The following KIF1B variants were observed in gnomAD, a reference collection of about 807,000 sequenced individuals.
KIF1B encodes the protein kinesin-like protein KIF1B.
In KIF1B, 76 loss-of-function variants were observed where a neutral mutation model predicts 241.9. That is an observed-to-expected ratio of 0.31 (90% CI 0.26 to 0.38). The LOEUF (loss-of-function observed/expected upper bound fraction) is 0.38. KIF1B is among the 10% of genes least tolerant of loss of function. The pLI is 1.00. For synonymous variants in KIF1B, 750 were observed against 796.7 expected, an observed-to-expected ratio of 0.94 and a Z score of 0.99; for missense variants, 1,622 against 2,271.4, an observed-to-expected ratio of 0.71 and a Z score of 5.81.
At chr1:10,316,768 C>T (rs888113983) in intron 22 of KIF1B, among the ~76,000 whole-genome samples, 3 of 151,694 alleles carry the variant, frequency 2.0e-5, no homozygotes, top group African/African-American at 7.3e-5. Context: ...TCCCAAAGTG[C>T]TGGGATTATA....
chr1:10,214,073 G>A (rs886442748), intron 1 of KIF1B, among the ~76,000 whole-genome samples: 4 of 151,992 alleles, frequency 2.6e-5, no homozygotes, highest in Non-Finnish European at 5.9e-5. Context: ...ATTACAGTGA[G>A]CTAAGACAGC....
chr1:10,266,036 G>C (rs914063014), intron 5 of KIF1B, among the ~76,000 whole-genome samples: 5 of 152,168 alleles, frequency 3.3e-5, no homozygotes, highest in Non-Finnish European at 5.9e-5. Context: ...AGAAGGATCT[G>C]TTTCCTGGGT....
intron 36 of KIF1B, 41 bp downstream of exon 36, chr1:10,347,868 G>A: frequency 1.4e-6 from 2 of 1,473,782 alleles, no homozygotes; most frequent in Non-Finnish European, 1.9e-6. Flanking sequence ...AGGGAACACT[G>A]AAAAGAATTT....
At chr1:10,354,762 A>G (rs1303162680) in intron 38 of KIF1B, among the ~76,000 whole-genome samples, 3 of 152,246 alleles carry the variant, frequency 2.0e-5, no homozygotes, top group Admixed American at 2.0e-4. Flanking sequence ...ACATCTTTGT[A>G]GTTTAGAATG....
At position 10,374,102 on chromosome 1, in the gene KIF1B, T is replaced by G. The variant is rs1217528796; in HGVS notation, c.4947-214T>G. Among the ~76,000 whole-genome samples the G allele has an allele frequency of 6.6e-6, 1 of 152,166 alleles. No homozygotes were observed. The highest frequency in any genetic ancestry group is 1.9e-4 in the East Asian group (1 of 5,202). Reference sequence around the variant, plus strand: ...ACCCAGTGGCCATCAATGATCAATTTCCTTTCATAACTTCAGAAGGATGAC... The same window carrying G: ...ACCCAGTGGCCATCAATGATCAATTGCCTTTCATAACTTCAGAAGGATGAC... On this transcript the variant is annotated intron_variant, in intron 45 of 48. Transcript: ENST00000676179. The surrounding 1 kb of genome is among the most constrained non-coding windows in gnomAD (Gnocchi z 4.3).
intron 2 of KIF1B, among the ~76,000 whole-genome samples, chr1:10,252,739 A>C (rs946909494): frequency 6.6e-6 from 1 of 150,720 alleles, no homozygotes. Context: ...TTGTTTTGAG[A>C]TGGAGTTTTG....
In KIF1B at chr1:10,358,602, G is replaced by A. The variant is rs570772184; in HGVS notation, c.4056-2327G>A. ...GGAGGCTGAGGCAGGAGAATCACTT[G>A]AACCCGGCATGAGGAGGTTGCAGTG... is the stretch of plus-strand genomic sequence containing the variant. On this transcript the variant is annotated intron_variant, in intron 38 of 48. Transcript: ENST00000676179. 8.0e-5 allele frequency among the ~76,000 whole-genome samples: 12 copies of A among 149,696 alleles called. No individual in the cohort carries two copies. In the East Asian group the frequency reaches 2.4e-3, roughly 29 times the overall value.
chr1:10,269,873 G>A (rs954285894), intron 7 of KIF1B, among the ~76,000 whole-genome samples: 6 of 152,138 alleles, frequency 3.9e-5, no homozygotes, highest in African/African-American at 1.4e-4. Flanking sequence ...TTTAGCCAGA[G>A]GTTATAATAT....
chr1:10,347,958 A>C, intron 36 of KIF1B, 131 bp downstream of exon 36: 1 of 581,104 alleles, frequency 1.7e-6, no homozygotes, highest in Non-Finnish European at 2.9e-6. Flanking sequence ...TCCTGTTGTC[A>C]TTTTTTTTTT....
intron 2 of KIF1B, among the ~76,000 whole-genome samples, chr1:10,234,411 T>C (rs1421036889): frequency 1.3e-5 from 2 of 152,102 alleles, no homozygotes; most frequent in Non-Finnish European, 2.9e-5. Context: ...TTTCACCATA[T>C]TGGCCAGCCT....
chr1:10,294,409 G>C (rs1306070249), intron 17 of KIF1B, among the ~76,000 whole-genome samples: 1 of 152,112 alleles, frequency 6.6e-6, no homozygotes, highest in East Asian at 1.9e-4. Flanking sequence ...GAAGTGGTGG[G>C]GGGGTATGGG....
At position 10,210,638 on chromosome 1, in the gene KIF1B, C is replaced by T. The variant is rs1018885009; in HGVS notation, c.-320C>T. 2.7e-5 allele frequency among the ~76,000 whole-genome samples: 4 copies of T among 148,134 alleles called. No homozygotes were observed. Among genetic ancestry groups the T allele is most frequent in the African/African-American group, 9.8e-5 (4 of 40,904 alleles). On this transcript the variant is annotated 5_prime_UTR_variant, in exon 1 of 49. Coordinates refer to ENST00000676179, the MANE Select transcript of KIF1B (RefSeq NM_001365951.3). The surrounding 1 kb of genome is among the most constrained non-coding windows in gnomAD (Gnocchi z 4.1). ...GCAGCTCCCCGTCCTCCGCAGCCGT[C>T]ACCGCCGGCCGTCGCCGCGCCCTGG...
intron 23 of KIF1B, among the ~76,000 whole-genome samples, chr1:10,321,228 T>G (rs992173375): frequency 6.6e-6 from 1 of 151,868 alleles, no homozygotes; most frequent in Non-Finnish European, 1.5e-5. Context: ...CTCAGCCTCC[T>G]GAGTAGCTGG....
At chr1:10,285,606 A>G (rs1033363772) in intron 15 of KIF1B, among the ~76,000 whole-genome samples, 1 of 152,238 alleles carries the variant, frequency 6.6e-6, no homozygotes, top group African/African-American at 2.4e-5. Context: ...CTAGAAAGAA[A>G]ACAGCTTCCT....
chr1:10,375,062 C>T lies in KIF1B; in HGVS notation c.5289+16C>T. On this transcript the variant is annotated intron_variant, in intron 47 of 48. Coordinates refer to ENST00000676179, the MANE Select transcript of KIF1B (RefSeq NM_001365951.3). ...CATGGTGAAGGTCCGTCCTGCCCTG[C>T]CTTGGTTTCTTATTGCCACGTGTGC... 1 of 1,613,590 alleles carries T rather than the reference C, an allele frequency of 6.2e-7. No homozygotes were observed. Among genetic ancestry groups the T allele is most frequent in the Non-Finnish European group, 8.5e-7 (1 of 1,179,560 alleles).
At chr1:10,236,864 A>T (rs10864449) in intron 2 of KIF1B, among the ~76,000 whole-genome samples, 51,244 of 151,612 alleles carry the variant, frequency 0.34, 8,816 homozygotes, top group Admixed American at 0.38. Flanking sequence ...TGGGCTTAGA[A>T]TGGAAGTGGG....
chr1:10,229,211 TTAAA>T (rs1463673983), intron 1 of KIF1B, among the ~76,000 whole-genome samples: 1 of 151,942 alleles, frequency 6.6e-6, no homozygotes, highest in Non-Finnish European at 1.5e-5. Context: ...TATTTGATAT[TTAAA>T]TAAAGAACCA....
At chr1:10,375,203 C>G in intron 47 of KIF1B, 52 bp from the exon 48 acceptor site, 1 of 1,508,780 alleles carries the variant, frequency 6.6e-7, no homozygotes, top group Non-Finnish European at 9.2e-7. Flanking sequence ...CAAGGCAGTC[C>G]CCATTGCTGT....
At chr1:10,247,067 G>T (rs984843980) in intron 2 of KIF1B, among the ~76,000 whole-genome samples, 1 of 152,140 alleles carries the variant, frequency 6.6e-6, no homozygotes, top group African/African-American at 2.4e-5. Flanking sequence ...GTTTTGCCAT[G>T]TTGGCCAGGC....
Sources: allele counts gnomAD v4.1 joint callset (sites outside exome capture counted in the v4.1 genomes callset), GRCh38; gene constraint gnomAD v4.1.1; non-coding constraint Gnocchi (gnomAD v3.1); transcripts MANE v1.5; gene names NCBI Gene and HGNC (gene_info 2026-07-23, HGNC 2026-07-21).